P2RX3: variants seen among roughly 807,000 people sequenced by gnomAD.
The protein encoded by P2RX3 is purinergic receptor P2X 3.
P2RX3 carries 41 observed loss-of-function variants against 51.5 expected under a neutral mutation model. The observed-to-expected ratio is 0.80, with a 90% CI of 0.62 to 1.03. The LOEUF is 1.03. P2RX3 is among the 50% of genes least tolerant of loss of function. The pLI is 0.00. For missense variants in P2RX3, 459 were observed against 522.1 expected (o/e 0.88, Z 1.18); for synonymous variants, 185 against 191.6 (o/e 0.97, Z 0.29).
intron 1 of P2RX3, among the ~76,000 whole-genome samples, chr11:57,341,688 C>A (rs144816108): frequency 6.6e-6 from 1 of 152,130 alleles, no homozygotes; most frequent in African/African-American, 2.4e-5. Flanking sequence ...GAAGCAATAG[C>A]CTGTGCTTGG....
At chr11:57,349,366 T>C (rs1351742788) in intron 6 of P2RX3, among the ~76,000 whole-genome samples, 1 of 150,494 alleles carries the variant, frequency 6.6e-6, no homozygotes, top group Non-Finnish European at 1.5e-5. Flanking sequence ...CTTGGGAGAC[T>C]GAGGCAGGAG....
chr11:57,350,687 A>C, intron 7 of P2RX3, 75 bp from the exon 8 acceptor site: 318 of 1,434,924 alleles, frequency 2.2e-4, no homozygotes, highest in Middle Eastern at 4.0e-4. Context: ...CACCACCTCC[A>C]CCCCACCCCC....
chr11:57,339,752 T>C (rs1188580720), intron 1 of P2RX3, among the ~76,000 whole-genome samples: 1 of 152,202 alleles, frequency 6.6e-6, no homozygotes. Context: ...AGGAGTTAGT[T>C]CAAGCAGGTC....
Position 57,349,894 on chromosome 11 carries a change from G to A in P2RX3, c.701G>A (p.Arg234His). 4.3e-6 allele frequency: 7 copies of A among 1,614,200 alleles called. No individual in the cohort carries two copies. Among genetic ancestry groups the A allele is most frequent in the Non-Finnish European group, 5.9e-6 (7 of 1,180,042 alleles). ...GGGCAGGATTTTGCCAAACTGGCGC[G>A]CACGGTGAGGACCTAGCCATTCTTC... Reference protein sequence around the residue: ...FAGQDFAKLARTGGVLGIKIG... With the variant: ...FAGQDFAKLAHTGGVLGIKIG... The change falls in exon 7 of 12, where the codon CGC becomes CAC. Residue 234 changes from arginine (R) to histidine (H), a missense_variant. Transcript: ENST00000263314.
At position 57,369,899 on chromosome 11, in the gene P2RX3, C is replaced by T. The variant is rs1349989090; in HGVS notation, c.1096C>T (p.Leu366=). 6.2e-7 allele frequency: 1 copy of T among 1,613,360 alleles called. No homozygotes were observed. Among genetic ancestry groups the T allele is most frequent in the Non-Finnish European group, 8.5e-7 (1 of 1,179,376 alleles). ...TCGCCTGCAGGTGAATGAGACTACG[C>T]TGAAAATCGCGGCTTTGACCAACCC... ...KKFEEVNETT[L]KIAALTNPVY... The change falls in exon 12 of 12, where the codon CTG becomes TTG. Residue 366 remains leucine (L), a synonymous_variant. Transcript: ENST00000263314.
intron 5 of P2RX3, 100 bp downstream of exon 5, chr11:57,348,363 C>A: frequency 8.6e-7 from 1 of 1,163,332 alleles, no homozygotes; most frequent in Non-Finnish European, 1.2e-6. Context: ...GGGTCTGTGG[C>A]TTTCTCCAGT....
At chr11:57,350,040 C>A in intron 7 of P2RX3, 142 bp downstream of exon 7, 1 of 1,315,578 alleles carries the variant, frequency 7.6e-7, no homozygotes, top group Non-Finnish European at 1.0e-6. Flanking sequence ...CCGCCACTGG[C>A]TTTGTGCCTG....
In P2RX3 at chr11:57,345,059, C is replaced by T. The variant is rs142870833; in HGVS notation, c.120-1485C>T. On this transcript the variant is annotated intron_variant, in intron 1 of 11. Coordinates refer to ENST00000263314, the MANE Select transcript of P2RX3 (RefSeq NM_002559.5). ...CTGGAGTCTTCCCAGACGTGTGGCA[C>T]GCGTGTGGTGACTTTCCGCAGCAGG... Among the ~76,000 whole-genome samples, 276 of 152,314 alleles carry T rather than the reference C, an allele frequency of 1.8e-3. 6 individuals carry two copies. Among genetic ancestry groups the T allele is most frequent in the African/African-American group, 6.3e-3 (261 of 41,566 alleles).
rs773421013 is a variant in P2RX3 at position 57,346,620 on chromosome 11, G to GGCTC, written c.197_200dup (p.Gly68LeufsTer13). On this transcript the variant is annotated frameshift_variant, in exon 2 of 12. Transcript: ENST00000263314. LOFTEE classifies it high-confidence loss of function. Reference sequence around the variant, plus strand: ...GTCCTCGGTGGTAACCAAGGTGAAGGGCTCCGGACTCTACGCCAACAGAGT... The same window carrying GGCTC: ...GTCCTCGGTGGTAACCAAGGTGAAGGGCTCGCTCCGGACTCTACGCCAACAGAGT... 2 of 1,614,116 alleles carry GGCTC rather than the reference G, an allele frequency of 1.2e-6. No homozygotes were observed. Among genetic ancestry groups the GGCTC allele is most frequent in the Non-Finnish European group, 1.7e-6 (2 of 1,180,028 alleles).
chr11:57,363,013 C>T (rs1481408624), intron 8 of P2RX3, among the ~76,000 whole-genome samples: 1 of 152,130 alleles, frequency 6.6e-6, no homozygotes, highest in Non-Finnish European at 1.5e-5. Flanking sequence ...TATATATGGA[C>T]ACTCTCTCAA....
chr11:57,348,848 A>G (rs1459789416), intron 6 of P2RX3, 144 bp downstream of exon 6: 3 of 602,346 alleles, frequency 5.0e-6, no homozygotes, highest in African/African-American at 1.9e-5. Flanking sequence ...TACCATTCCC[A>G]ATCTCCCAGC....
chr11:57,342,643 G>A (rs1408871693), intron 1 of P2RX3, among the ~76,000 whole-genome samples: 1 of 152,142 alleles, frequency 6.6e-6, no homozygotes, highest in Non-Finnish European at 1.5e-5. Flanking sequence ...TCTGGAAAAT[G>A]GATTTAGGAA....
chr11:57,349,484 A>T (rs1442704542), intron 6 of P2RX3, among the ~76,000 whole-genome samples: 1 of 151,716 alleles, frequency 6.6e-6, no homozygotes. Flanking sequence ...AAAAATGCAC[A>T]GAGTAACCAA....
chr11:57,338,545 C>G lies in P2RX3; in HGVS notation c.-6C>G, dbSNP rs1200689866. 3 of 1,577,726 alleles carry G rather than the reference C, an allele frequency of 1.9e-6. No homozygotes were observed. Among genetic ancestry groups the G allele is most frequent in the Non-Finnish European group, 2.6e-6 (3 of 1,150,758 alleles). On this transcript the variant is annotated 5_prime_UTR_variant, in exon 1 of 12. Transcript: ENST00000263314. ...CTTCTGAGTGTCCCCTGAGCACTCT[C>G]TCAGCATGAACTGCATATCCGACTT...
chr11:57,360,252 C>CT (rs1856693547), intron 8 of P2RX3, among the ~76,000 whole-genome samples: 1 of 152,176 alleles, frequency 6.6e-6, no homozygotes, highest in Non-Finnish European at 1.5e-5. Context: ...ACTTTCCCAC[C>CT]TAGCTAGCTG....
chr11:57,353,837 T>C (rs1207437790), intron 8 of P2RX3, among the ~76,000 whole-genome samples: 219 of 120,800 alleles, frequency 1.8e-3, no homozygotes, highest in Non-Finnish European at 2.1e-3. Flanking sequence ...CAAATGTCAC[T>C]CCCCCCCCCC....
intron 8 of P2RX3, among the ~76,000 whole-genome samples, chr11:57,365,935 G>A (rs550991596): frequency 3.3e-5 from 5 of 152,300 alleles, no homozygotes; most frequent in East Asian, 3.9e-4. Context: ...GGAGCATCAC[G>A]TCAATCACTG....
Position 57,349,749 on chromosome 11 carries a change from C to T in P2RX3, c.564-8C>T. On this transcript the variant is annotated splice_polypyrimidine_tract_variant and splice_region_variant and intron_variant, in intron 6 of 11. Transcript: ENST00000263314. ...CCTGGGCTGACCTCTCTCTCTGCTC[C>T]TCCCCAGGGGAAACCTCCTTCCCAA... is the stretch of plus-strand genomic sequence containing the variant. 6.2e-7 allele frequency: 1 copy of T among 1,614,136 alleles called. No individual in the cohort carries two copies. Among genetic ancestry groups the T allele is most frequent in the Non-Finnish European group, 8.5e-7 (1 of 1,180,006 alleles).
At chr11:57,358,994 G>A (rs1341226762) in intron 8 of P2RX3, among the ~76,000 whole-genome samples, 2 of 152,164 alleles carry the variant, frequency 1.3e-5, no homozygotes, top group African/African-American at 2.4e-5. Context: ...AGCTAGGGGT[G>A]TCTCAGTGAA....
Sources: allele counts gnomAD v4.1 joint callset (sites outside exome capture counted in the v4.1 genomes callset), GRCh38; gene constraint gnomAD v4.1.1; transcripts MANE v1.5; gene names NCBI Gene and HGNC (gene_info 2026-07-23, HGNC 2026-07-21).